The following ERBB4 variants were observed in gnomAD, a reference collection of about 807,000 sequenced individuals.
ERBB4 encodes the protein erb-b2 receptor tyrosine kinase 4.
Under a neutral mutation model 158.0 loss-of-function variants are expected in ERBB4, and 42 were observed. The ratio of observed to expected loss-of-function variants is 0.27; its 90% confidence interval spans 0.21 to 0.34. The LOEUF is 0.34. Ranked by LOEUF, ERBB4 falls within the 10% of genes least tolerant of loss-of-function variation. ERBB4 has a pLI of 1.00. For missense variants in ERBB4, 1,333 were observed against 1,624.1 expected, an observed-to-expected ratio of 0.82 and a Z score of 3.08; for synonymous variants, 583 against 558.7, an observed-to-expected ratio of 1.04 and a Z score of -0.61.
At chr2:212,374,487 A>ATG (rs139834588) in intron 1 of ERBB4, among the ~76,000 whole-genome samples, 4 of 151,830 alleles carry the variant, frequency 2.6e-5, no homozygotes, top group Middle Eastern at 3.4e-3. Context: ...AAAGCAAACG[A>ATG]TGTGTGTGTG....
chr2:212,349,318 CA>C lies in ERBB4; in HGVS notation c.82+189130del, dbSNP rs1406888090. ...ACACACACACACACACACACACACA[CA>C]CACCCTTCAAGTGTTTGACAGCCCT... On this transcript the variant is annotated intron_variant, in intron 1 of 27. Coordinates refer to ENST00000342788, the MANE Select transcript of ERBB4 (RefSeq NM_005235.3). Among the ~76,000 whole-genome samples, 16 of 151,732 alleles carry C rather than the reference CA, an allele frequency of 1.1e-4. No individual in the cohort carries two copies. The South Asian group carries it at 1.7e-3, about 16-fold the overall frequency.
intron 2 of ERBB4, among the ~76,000 whole-genome samples, chr2:211,948,317 T>C (rs2080762321): frequency 6.6e-6 from 1 of 151,490 alleles, no homozygotes; most frequent in Middle Eastern, 3.4e-3. Flanking sequence ...GTGCCTGTAG[T>C]CCCAGCTACT....
chr2:211,658,752 G>A (rs2071312793), intron 15 of ERBB4, among the ~76,000 whole-genome samples: 1 of 152,080 alleles, frequency 6.6e-6, no homozygotes, highest in African/African-American at 2.4e-5. Flanking sequence ...TTACCTTTGA[G>A]ACCCAGTTAA....
intron 4 of ERBB4, among the ~76,000 whole-genome samples, chr2:211,756,605 T>C (rs2075292656): frequency 6.6e-6 from 1 of 152,068 alleles, no homozygotes; most frequent in Non-Finnish European, 1.5e-5. Flanking sequence ...TAGAAAATGG[T>C]TTTGAGTCAT....
chr2:212,412,468 G>A (rs2091526713), intron 1 of ERBB4, among the ~76,000 whole-genome samples: 1 of 152,154 alleles, frequency 6.6e-6, no homozygotes. Context: ...CATATGACGT[G>A]CCTATTCCTG....
chr2:211,430,614 G>A (rs1032879399), intron 21 of ERBB4, among the ~76,000 whole-genome samples: 5 of 152,124 alleles, frequency 3.3e-5, no homozygotes, highest in Non-Finnish European at 7.3e-5. Context: ...ATGTGTTAAA[G>A]TTTAATTTCT....
intron 17 of ERBB4, among the ~76,000 whole-genome samples, chr2:211,627,247 G>C (rs2069894607): frequency 6.6e-6 from 1 of 152,190 alleles, no homozygotes; most frequent in Admixed American, 6.5e-5. Flanking sequence ...TCTGCCTCCA[G>C]CATCCTAGCT....
At chr2:211,888,942 C>T (rs2078885773) in intron 3 of ERBB4, among the ~76,000 whole-genome samples, 1 of 151,354 alleles carries the variant, frequency 6.6e-6, no homozygotes, top group African/African-American at 2.4e-5. Context: ...AGTCTGAGAT[C>T]AAACTGCAAG....
rs116218071 is a variant in ERBB4, at chr2:212,207,598, A to T, written c.83-82695T>A. Among the ~76,000 whole-genome samples, 993 of 152,296 alleles carry T rather than the reference A, an allele frequency of 6.5e-3. 7 individuals carry two copies. Among genetic ancestry groups the T allele is most frequent in the African/African-American group, 0.023 (957 of 41,582 alleles). ...TATCAAGAACAAGTATAAGCAGTGA[A>T]AATTTGTTAGGGTTTTTTTGGAATA... On this transcript the variant is annotated intron_variant, in intron 1 of 27. Transcript: ENST00000342788.
At chr2:212,345,085 G>GA (rs2088919088) in intron 1 of ERBB4, among the ~76,000 whole-genome samples, 1 of 151,746 alleles carries the variant, frequency 6.6e-6, no homozygotes, top group African/African-American at 2.4e-5. Context: ...CTAACACGGT[G>GA]AAACCCCGTC....
At chr2:212,056,559 A>G (rs913068761) in intron 2 of ERBB4, among the ~76,000 whole-genome samples, 2 of 152,266 alleles carry the variant, frequency 1.3e-5, no homozygotes, top group African/African-American at 4.8e-5. Flanking sequence ...AGGGAAGCCC[A>G]TCAGACTAAC....
At chr2:212,388,856 A>C (rs978092420) in intron 1 of ERBB4, among the ~76,000 whole-genome samples, 1 of 152,130 alleles carries the variant, frequency 6.6e-6, no homozygotes, top group African/African-American at 2.4e-5. Context: ...TTTATTTTCT[A>C]ATTTCAAAAT....
rs2062579196 is a variant in ERBB4 at position 211,381,909 on chromosome 2, T to C, written c.*1706A>G. The stretch of plus-strand genomic sequence containing the variant: ...TATATCTAAGTTTCCTAATTATTGA[T>C]GTGAGGCCCCCTTTACTTGGAGACT... On this transcript the variant is annotated 3_prime_UTR_variant, in exon 28 of 28. Transcript: ENST00000342788. 2 of 229,640 alleles carry C rather than the reference T, an allele frequency of 8.7e-6. No homozygotes were observed. Among genetic ancestry groups the C allele is most frequent in the Admixed American group, 1.1e-4 (2 of 17,656 alleles). The allele number at this position is 229,640 out of a possible 1,614,324, so 14.2% of individuals were successfully genotyped here.
At chr2:212,514,702 G>A (rs1347532898) in intron 1 of ERBB4, among the ~76,000 whole-genome samples, 5 of 152,154 alleles carry the variant, frequency 3.3e-5, no homozygotes, top group African/African-American at 7.2e-5. Context: ...CTACTCTGGA[G>A]GCTGAGGCAA....
intron 17 of ERBB4, among the ~76,000 whole-genome samples, chr2:211,624,411 A>C (rs532588370): frequency 1.3e-5 from 2 of 152,106 alleles, no homozygotes; most frequent in Admixed American, 1.3e-4. Flanking sequence ...AGGAGAGGGG[A>C]AAAAAACGCA....
chr2:212,036,232 T>C (rs1228720917), intron 2 of ERBB4, among the ~76,000 whole-genome samples: 2 of 152,110 alleles, frequency 1.3e-5, no homozygotes, highest in Admixed American at 6.6e-5. Context: ...TCTCCTGAAC[T>C]GTGAGAATGT....
intron 3 of ERBB4, among the ~76,000 whole-genome samples, chr2:211,923,851 C>T (rs144363146): frequency 0.047 from 7,148 of 151,986 alleles, 230 homozygotes; most frequent in Middle Eastern, 0.095. Flanking sequence ...GCCTCCCAAG[C>T]AGCTGGGATT....
intron 1 of ERBB4, among the ~76,000 whole-genome samples, chr2:212,286,091 T>TA (rs1182356948): frequency 6.6e-6 from 1 of 152,160 alleles, no homozygotes; most frequent in Non-Finnish European, 1.5e-5. Flanking sequence ...TGTCTCCTCA[T>TA]AATCACTTCA....
intron 4 of ERBB4, among the ~76,000 whole-genome samples, chr2:211,770,128 G>C (rs914565024): frequency 2.0e-5 from 3 of 152,098 alleles, no homozygotes; most frequent in Non-Finnish European, 2.9e-5. Flanking sequence ...CATATAGCAG[G>C]ATGACTTAAA....
Sources: allele counts gnomAD v4.1 joint callset (sites outside exome capture counted in the v4.1 genomes callset), GRCh38; gene constraint gnomAD v4.1.1; transcripts MANE v1.5; gene names NCBI Gene and HGNC (gene_info 2026-07-23, HGNC 2026-07-21).